CSMD1: variants seen among roughly 807,000 people sequenced by gnomAD.
The protein encoded by CSMD1 is CUB and sushi domain-containing protein 1.
A neutral mutation model predicts 417.5 loss-of-function variants in CSMD1; 213 were observed. The observed-to-expected ratio is 0.51, with a 90% CI of 0.46 to 0.57. The LOEUF is 0.57. Ranked by LOEUF, CSMD1 falls within the 20% of genes least tolerant of loss-of-function variation. The pLI, the probability that CSMD1 is intolerant of heterozygous loss-of-function variation, is 0.00. For missense variants in CSMD1, 6,923 were observed against 4,529.7 expected, an observed-to-expected ratio of 1.53 and a Z score of -15.17; for synonymous variants, 2,862 against 1,736.8, an observed-to-expected ratio of 1.65 and a Z score of -16.11.
chr8:4,802,433 T>A (rs1396874154), intron 1 of CSMD1, among the ~76,000 whole-genome samples: 1 of 152,058 alleles, frequency 6.6e-6, no homozygotes, highest in African/African-American at 2.4e-5. Flanking sequence ...TTAACCTTTA[T>A]CATGTGTGCC....
chr8:4,540,214 T>C (rs972589478), intron 2 of CSMD1, among the ~76,000 whole-genome samples: 1 of 152,210 alleles, frequency 6.6e-6, no homozygotes, highest in Non-Finnish European at 1.5e-5. Context: ...TGCTTTAAAC[T>C]GCTGCTGGTT....
At chr8:4,081,872 C>G (rs561208145) in intron 3 of CSMD1, among the ~76,000 whole-genome samples, 4 of 152,108 alleles carry the variant, frequency 2.6e-5, no homozygotes, top group Admixed American at 2.0e-4. Context: ...TAAGACATAT[C>G]AAAATGTGTT....
At chr8:3,607,811 A>G (rs1338535870) in intron 8 of CSMD1, among the ~76,000 whole-genome samples, 1 of 152,208 alleles carries the variant, frequency 6.6e-6, no homozygotes, top group African/African-American at 2.4e-5. Context: ...AAATGAGAAG[A>G]ATCAGCATGG....
intron 5 of CSMD1, among the ~76,000 whole-genome samples, chr8:3,854,162 A>T (rs563335137): frequency 4.9e-4 from 38 of 76,990 alleles, no homozygotes; most frequent in Admixed American, 3.3e-3. Flanking sequence ...ATAATAATAA[A>T]AAAAAAAAAA....
intron 1 of CSMD1, among the ~76,000 whole-genome samples, chr8:4,767,934 A>G (rs1363541213): frequency 6.6e-6 from 1 of 152,068 alleles, no homozygotes; most frequent in Non-Finnish European, 1.5e-5. Context: ...TGGAAAGTAA[A>G]TTTTGCATCC....
At chr8:4,041,728 T>G (rs188295099) in intron 3 of CSMD1, among the ~76,000 whole-genome samples, 2 of 152,266 alleles carry the variant, frequency 1.3e-5, no homozygotes, top group Admixed American at 6.5e-5. Context: ...TTATTAGAAC[T>G]GTATGCCCTG....
chr8:3,717,546 G>C (rs776095211), intron 6 of CSMD1, among the ~76,000 whole-genome samples: 1 of 152,130 alleles, frequency 6.6e-6, no homozygotes, highest in African/African-American at 2.4e-5. Context: ...AGGTTCACAG[G>C]TTATTGCAGA....
chr8:4,236,026 GTTT>G (rs147378202), intron 3 of CSMD1, among the ~76,000 whole-genome samples: 1 of 108,086 alleles, frequency 9.3e-6, no homozygotes, highest in Admixed American at 1.1e-4. Flanking sequence ...AATGGATATT[GTTT>G]TTTTTGTTTG....
intron 11 of CSMD1, among the ~76,000 whole-genome samples, chr8:3,477,828 T>C (rs35533476): frequency 0.64 from 97,140 of 151,948 alleles, 31,851 homozygotes; most frequent in Middle Eastern, 0.76. Context: ...CCTAGCCGGG[T>C]TCCCAGGACA....
In CSMD1 at chr8:4,439,070, G is replaced by A. The variant is rs73658901; in HGVS notation, c.303-19005C>T. ...CTTAGCTGATATAGGTCTTATTGGC[G>A]CCATCCTATTTCATCTGTATTATAT... is the stretch of plus-strand genomic sequence containing the variant. On this transcript the variant is annotated intron_variant, in intron 2 of 69. Transcript: ENST00000635120. Among the ~76,000 whole-genome samples, 489 of 152,116 alleles carry A rather than the reference G, an allele frequency of 3.2e-3. 3 individuals carry two copies. Among genetic ancestry groups the A allele is most frequent in the African/African-American group, 0.011 (466 of 41,502 alleles).
intron 3 of CSMD1, among the ~76,000 whole-genome samples, chr8:4,237,571 G>C (rs993574830): frequency 2.0e-5 from 3 of 149,854 alleles, no homozygotes; most frequent in African/African-American, 4.9e-5. Flanking sequence ...GTCTTGCTCT[G>C]TCAACCAAGC....
chr8:3,458,412 A>G (rs191665767), intron 12 of CSMD1, among the ~76,000 whole-genome samples: 108 of 152,308 alleles, frequency 7.1e-4, no homozygotes, highest in Admixed American at 5.6e-3. Flanking sequence ...TCAAGAGTCA[A>G]TGGGTCTTCT....
Position 3,110,288 on chromosome 8 carries a change from G to C in CSMD1, c.6478C>G (p.Pro2160Ala), listed in dbSNP as rs1563054212. 1.9e-6 allele frequency: 3 copies of C among 1,613,338 alleles called. No homozygotes were observed. Among genetic ancestry groups the C allele is most frequent in the Non-Finnish European group, 1.7e-6 (2 of 1,179,732 alleles). ...VTSQNGTIYS[P>A]GFPDEYPILK... ...ATCGGATACTCATCAGGAAAGCCAGGGGAGTAGATGGTGCCGTTCTGAGAA... is the reference window on the plus strand; with the variant it reads ...ATCGGATACTCATCAGGAAAGCCAGCGGAGTAGATGGTGCCGTTCTGAGAA... The change falls in exon 43 of 70, where the codon CCT becomes GCT. Residue 2160 changes from proline (P) to alanine (A), a missense_variant. By Grantham distance (27) the Pro-to-Ala change is conservative. Coordinates refer to ENST00000635120, the MANE Select transcript of CSMD1 (RefSeq NM_033225.6).
intron 30 of CSMD1, among the ~76,000 whole-genome samples, chr8:3,210,972 G>GA (rs146851606): frequency 0.044 from 6,666 of 152,022 alleles, 465 homozygotes; most frequent in African/African-American, 0.15. Context: ...TGAAGTGGGG[G>GA]AAAAATACAC....
At chr8:3,629,458 G>A (rs2449216) in intron 7 of CSMD1, among the ~76,000 whole-genome samples, 1 of 152,088 alleles carries the variant, frequency 6.6e-6, no homozygotes, top group African/African-American at 2.4e-5. Context: ...ATATTATTGG[G>A]AAAATTTAAT....
At chr8:4,255,127 C>A (rs1803364015) in intron 3 of CSMD1, among the ~76,000 whole-genome samples, 1 of 152,264 alleles carries the variant, frequency 6.6e-6, no homozygotes, top group African/African-American at 2.4e-5. Context: ...TTGAGAGTAT[C>A]AGTTTTTAGC....
intron 3 of CSMD1, among the ~76,000 whole-genome samples, chr8:4,255,077 G>C (rs1803360559): frequency 6.6e-6 from 1 of 152,032 alleles, no homozygotes; most frequent in Admixed American, 6.5e-5. Flanking sequence ...TTATTATTTT[G>C]CTCAAATGGT....
chr8:3,687,240 G>C (rs186119196), intron 7 of CSMD1, among the ~76,000 whole-genome samples: 22 of 152,318 alleles, frequency 1.4e-4, no homozygotes, highest in Admixed American at 9.1e-4. Context: ...TCACTTTGTT[G>C]CTTTTAAGTC....
chr8:4,816,494 T>C (rs1273643650), intron 1 of CSMD1, among the ~76,000 whole-genome samples: 1 of 152,084 alleles, frequency 6.6e-6, no homozygotes. Flanking sequence ...TCCCAAAATG[T>C]TGGGATTACA....
Sources: allele counts gnomAD v4.1 joint callset (sites outside exome capture counted in the v4.1 genomes callset), GRCh38; gene constraint gnomAD v4.1.1; transcripts MANE v1.5; gene names NCBI Gene and HGNC (gene_info 2026-07-23, HGNC 2026-07-21).